CSMD1: variants seen among roughly 807,000 people sequenced by gnomAD.
The protein encoded by CSMD1 is CUB and sushi domain-containing protein 1.
In CSMD1, 213 loss-of-function variants were observed where a neutral mutation model predicts 417.5. The ratio of observed to expected loss-of-function variants is 0.51; its 90% CI spans 0.46 to 0.57. The LOEUF (loss-of-function observed/expected upper bound fraction) is 0.57, where lower values mean the gene tolerates loss of function less well. Among genes scored for constraint, CSMD1 ranks in the 20% least tolerant of loss-of-function variants. CSMD1 has a pLI of 0.00. For missense variants in CSMD1, 6,923 were observed against 4,529.7 expected (o/e 1.53, Z -15.17); for synonymous variants, 2,862 against 1,736.8 (o/e 1.65, Z -16.11).
chr8:4,878,371 T>C (rs565947170), intron 1 of CSMD1, among the ~76,000 whole-genome samples: 39 of 152,206 alleles, frequency 2.6e-4, no homozygotes, highest in Non-Finnish European at 3.8e-4. Flanking sequence ...GATGGAAGCC[T>C]AAACTATACC....
In CSMD1 at chr8:2,966,681, A is replaced by G; in HGVS notation, c.8989T>C (p.Phe2997Leu). Residue 2997 changes from phenylalanine to leucine, a missense_variant, in exon 58 of 70, where the codon TTC becomes CTC. By Grantham distance (22) the Phe-to-Leu change is conservative. Coordinates refer to ENST00000635120, the MANE Select transcript of CSMD1 (RefSeq NM_033225.6). ...GMIVSSDGIL[F>L]SSSVIYACWE... Reference sequence around the variant, plus strand: ...CAGGCATAGATGACCGAGCTGGAGAACAGAATGCCATCACTACTGACAATC... The same window carrying G: ...CAGGCATAGATGACCGAGCTGGAGAGCAGAATGCCATCACTACTGACAATC... The G allele has an allele frequency of 6.2e-7, 1 of 1,613,838 alleles. No individual in the cohort carries two copies. The highest frequency in any genetic ancestry group is 8.5e-7 in the Non-Finnish European group (1 of 1,179,830).
At chr8:4,024,410 A>T (rs1180070414) in intron 4 of CSMD1, among the ~76,000 whole-genome samples, 2 of 152,116 alleles carry the variant, frequency 1.3e-5, no homozygotes, top group South Asian at 2.1e-4. Context: ...TCATGGGAAA[A>T]CTTTATTATT....
intron 10 of CSMD1, among the ~76,000 whole-genome samples, chr8:3,494,374 C>A (rs1195618173): frequency 6.6e-6 from 1 of 151,976 alleles, no homozygotes; most frequent in African/African-American, 2.4e-5. Flanking sequence ...TCTTTTTCTC[C>A]TGAAAGAAGA....
In CSMD1 at chr8:3,928,540, G is replaced by A. The variant is rs567698351; in HGVS notation, c.818+69363C>T. Among the ~76,000 whole-genome samples, 13 of 135,816 alleles carry A rather than the reference G, an allele frequency of 9.6e-5. 1 individual carries two copies. Among genetic ancestry groups the A allele is most frequent in the South Asian group, 2.4e-4 (1 of 4,088 alleles). 89.1% of individuals were successfully genotyped at this position (135,816 alleles called of 152,430 possible). On this transcript the variant is annotated intron_variant, in intron 5 of 69. Coordinates refer to ENST00000635120, the MANE Select transcript of CSMD1 (RefSeq NM_033225.6). The stretch of plus-strand genomic sequence containing the variant: ...GCATTCACAGGTTTCACGGCCGTTT[G>A]TAGGCTTCGGTACTGTACTAAGTTC...
intron 10 of CSMD1, among the ~76,000 whole-genome samples, chr8:3,518,080 A>G (rs913131166): frequency 1.3e-5 from 2 of 152,310 alleles, no homozygotes; most frequent in South Asian, 2.1e-4. Context: ...AAATGTGATT[A>G]TAACTATAAA....
intron 3 of CSMD1, among the ~76,000 whole-genome samples, chr8:4,195,338 A>G (rs889992): frequency 0.039 from 5,867 of 152,278 alleles, 397 homozygotes; most frequent in African/African-American, 0.13. Flanking sequence ...AGAACAGGAT[A>G]AGTTAACAAA....
intron 1 of CSMD1, among the ~76,000 whole-genome samples, chr8:4,852,812 T>C (rs1480321971): frequency 6.6e-6 from 1 of 152,062 alleles, no homozygotes; most frequent in African/African-American, 2.4e-5. Flanking sequence ...AATGAGGAAC[T>C]TACTGGGAAC....
chr8:4,106,811 T>A (rs1342978822), intron 3 of CSMD1, among the ~76,000 whole-genome samples: 2 of 152,064 alleles, frequency 1.3e-5, no homozygotes, highest in Non-Finnish European at 2.9e-5. Context: ...AGAGCTCAGG[T>A]CTACACCAGC....
chr8:3,821,996 T>C (rs1028397540), intron 5 of CSMD1, among the ~76,000 whole-genome samples: 1 of 152,194 alleles, frequency 6.6e-6, no homozygotes, highest in African/African-American at 2.4e-5. Context: ...GCTCTGGTTG[T>C]AATACAACTT....
At chr8:4,543,640 TG>T (rs1304687411) in intron 2 of CSMD1, among the ~76,000 whole-genome samples, 1 of 123,058 alleles carries the variant, frequency 8.1e-6, no homozygotes, top group East Asian at 2.5e-4. Context: ...CTATGATGGC[TG>T]GATCATATGG....
chr8:4,826,317 G>A (rs1799823657), intron 1 of CSMD1, among the ~76,000 whole-genome samples: 1 of 152,132 alleles, frequency 6.6e-6, no homozygotes, highest in South Asian at 2.1e-4. Flanking sequence ...ATATGTGTGT[G>A]TGTGTATATA....
At chr8:3,760,750 G>C (rs1301771192) in intron 5 of CSMD1, among the ~76,000 whole-genome samples, 2 of 152,158 alleles carry the variant, frequency 1.3e-5, no homozygotes, top group Non-Finnish European at 2.9e-5. Flanking sequence ...TATGTCTTTA[G>C]AAAATCATCA....
intron 10 of CSMD1, among the ~76,000 whole-genome samples, chr8:3,559,183 G>T (rs545144372): frequency 6.6e-6 from 1 of 152,176 alleles, no homozygotes; most frequent in East Asian, 1.9e-4. Context: ...TTAGCATATG[G>T]TATGTGTTTG....
At chr8:4,813,011 C>T (rs1332171650) in intron 1 of CSMD1, among the ~76,000 whole-genome samples, 1 of 152,070 alleles carries the variant, frequency 6.6e-6, no homozygotes, top group Non-Finnish European at 1.5e-5. Flanking sequence ...AAACTCACAC[C>T]AACACTGGAA....
At chr8:4,066,704 T>C (rs529702577) in intron 3 of CSMD1, among the ~76,000 whole-genome samples, 2 of 152,134 alleles carry the variant, frequency 1.3e-5, no homozygotes, top group African/African-American at 2.4e-5. Context: ...AATTAGATGA[T>C]AGTATATTTT....
At chr8:3,244,749 G>A (rs1296215394) in intron 26 of CSMD1, among the ~76,000 whole-genome samples, 3 of 152,190 alleles carry the variant, frequency 2.0e-5, no homozygotes, top group Non-Finnish European at 2.9e-5. Context: ...TTGAATGGGA[G>A]GGATATAAAG....
At chr8:3,073,169 A>G (rs948957060) in intron 49 of CSMD1, among the ~76,000 whole-genome samples, 1 of 152,184 alleles carries the variant, frequency 6.6e-6, no homozygotes, top group African/African-American at 2.4e-5. Context: ...AAATGACTTG[A>G]ATGCATTTGA....
intron 54 of CSMD1, among the ~76,000 whole-genome samples, chr8:2,982,154 G>A (rs1232942821): frequency 2.6e-5 from 4 of 152,050 alleles, no homozygotes; most frequent in East Asian, 1.9e-4. Context: ...TCAAGAGTTC[G>A]AGACCAGCCT....
chr8:3,930,338 G>A (rs887609511), intron 5 of CSMD1, among the ~76,000 whole-genome samples: 1 of 150,548 alleles, frequency 6.6e-6, no homozygotes, highest in Admixed American at 6.6e-5. Context: ...ATATCTGCCA[G>A]CCATAATAAA....
Sources: gnomAD v4.1 joint callset for allele counts (sites outside exome capture counted in the v4.1 genomes callset) on GRCh38, gnomAD v4.1.1 for gene constraint, MANE v1.5 for transcripts, NCBI Gene and HGNC (gene_info 2026-07-23, HGNC 2026-07-21) for gene names.